Variants in PCDHGB2 observed in about 807,000 individuals in gnomAD.
PCDHGB2 encodes protocadherin gamma subfamily B, 2.
Under a neutral mutation model 59.3 loss-of-function variants are expected in PCDHGB2, and 55 were observed. That is an observed-to-expected ratio of 0.93 (90% CI 0.75 to 1.16). The LOEUF (loss-of-function observed/expected upper bound fraction) is 1.16. Among genes scored for constraint, PCDHGB2 ranks in the 50% most tolerant of loss-of-function variants. The pLI, the probability that PCDHGB2 is intolerant of heterozygous loss-of-function variation, is 0.00. For missense variants in PCDHGB2, 1,228 were observed against 1,198.5 expected (o/e 1.02, Z -0.36); for synonymous variants, 516 against 512.0 (o/e 1.01, Z -0.11).
At chr5:141,466,376 C>A (rs1046432765) in intron 1 of PCDHGB2, among the ~76,000 whole-genome samples, 1 of 151,904 alleles carries the variant, frequency 6.6e-6, no homozygotes, top group Non-Finnish European at 1.5e-5. Flanking sequence ...GTTTTGGCAC[C>A]CATCTAATGG....
intron 1 of PCDHGB2, chr5:141,379,315 A>T (rs1364362567): frequency 1.3e-5 from 2 of 152,242 alleles, no homozygotes; most frequent in Non-Finnish European, 2.9e-5. Context: ...TAAACAAGAG[A>T]TCTAATCATA....
rs73280340 is a variant in PCDHGB2, at chr5:141,473,067, G to A, written c.2422-21740G>A. On this transcript the variant is annotated intron_variant, in intron 1 of 3. Transcript: ENST00000522605. ...GAAAGAAGTGATACAACAAGTTACA[G>A]CATCTTTGTTTATTATCCACTGTGA... Among the ~76,000 whole-genome samples the A allele has an allele frequency of 5.6e-3, 854 of 152,054 alleles. 5 individuals are homozygous for A. The highest frequency in any genetic ancestry group is 0.019 in the African/African-American group (798 of 41,456).
intron 1 of PCDHGB2, among the ~76,000 whole-genome samples, chr5:141,451,410 G>T (rs1201545799): frequency 6.6e-6 from 1 of 152,190 alleles, no homozygotes; most frequent in East Asian, 1.9e-4. Context: ...TAAGTTCCTT[G>T]TGGATTGTTA....
intron 1 of PCDHGB2, chr5:141,478,520 G>C (rs1474701976): frequency 1.2e-6 from 2 of 1,610,510 alleles, no homozygotes; most frequent in East Asian, 4.5e-5. Context: ...GCAGGTGTTG[G>C]GTGCAGAGAG....
intron 1 of PCDHGB2, chr5:141,422,606 C>A: frequency 6.2e-7 from 1 of 1,613,904 alleles, no homozygotes; most frequent in Non-Finnish European, 8.5e-7. Context: ...TCTTACTCTG[C>A]CTACATTCCC....
In PCDHGB2 at chr5:141,476,789, T is replaced by A. The variant is rs762462741; in HGVS notation, c.2422-18018T>A. On this transcript the variant is annotated intron_variant, in intron 1 of 3. Coordinates refer to ENST00000522605, the MANE Select transcript of PCDHGB2 (RefSeq NM_018923.3). The surrounding 1 kb of genome is among the most constrained non-coding windows in gnomAD (Gnocchi z 7.6). ...GTTGGACGGAGGGACCCCAGCTCTCTCCGCCAGCCTGCCTATTCACATCAA... is the reference window on the plus strand; with the variant it reads ...GTTGGACGGAGGGACCCCAGCTCTCACCGCCAGCCTGCCTATTCACATCAA... 1.3e-5 allele frequency: 21 copies of A among 1,613,374 alleles called. No individual in the cohort carries two copies. Among genetic ancestry groups the A allele is most frequent in the Non-Finnish European group, 1.7e-5 (20 of 1,180,016 alleles).
rs558609501 is a variant in PCDHGB2, at chr5:141,487,648, G to C, written c.2422-7159G>C. On this transcript the variant is annotated intron_variant, in intron 1 of 3. Coordinates refer to ENST00000522605, the MANE Select transcript of PCDHGB2 (RefSeq NM_018923.3). This position sits in a 1 kb window ranked among gnomAD's most constrained non-coding sequence, Gnocchi z 5.0. ...CTTTGCAGGCTCAACAAATGCTTGA[G>C]GGTTATTCTGATCCAGGCATATGGC... is the stretch of plus-strand genomic sequence containing the variant. 34 of 1,613,904 alleles carry C rather than the reference G, an allele frequency of 2.1e-5. 1 individual carries two copies. The South Asian group carries it at 3.6e-4, about 17-fold the overall frequency.
chr5:141,400,067 A>G lies in PCDHGB2; in HGVS notation c.2421+37511A>G, dbSNP rs761746196. On this transcript the variant is annotated intron_variant, in intron 1 of 3. Coordinates refer to ENST00000522605, the MANE Select transcript of PCDHGB2 (RefSeq NM_018923.3). ...CTGGTTGCTGTGCGTGATGGTGGAC[A>G]GCCGCCACTCTCCGCCACCGCCACG... is the stretch of plus-strand genomic sequence containing the variant. 1.3e-5 allele frequency: 21 copies of G among 1,613,654 alleles called. No individual in the cohort carries two copies. The highest frequency in any genetic ancestry group is 1.7e-4 in the Middle Eastern group (1 of 5,998).
rs377414044 is a variant in PCDHGB2, at chr5:141,362,475, C to T, written c.2340C>T (p.Leu780=). 7.4e-6 allele frequency: 12 copies of T among 1,613,908 alleles called. No individual in the cohort carries two copies. The highest frequency in any genetic ancestry group is 1.3e-5 in the African/African-American group (1 of 74,934). ...CGGAATTGGTTCCCGCGCAAGATCT[C>T]GTCTGTGACAATGCCTCTTGGGAAC... ...ITPELVPAQD[L]VCDNASWEQN... is the part of the protein sequence containing the mutation. The change falls in exon 1 of 4, where the codon CTC becomes CTT. Residue 780 remains leucine, a synonymous_variant. Coordinates refer to ENST00000522605, the MANE Select transcript of PCDHGB2 (RefSeq NM_018923.3).
intron 1 of PCDHGB2, chr5:141,395,876 T>C (rs1175297322): frequency 6.6e-6 from 1 of 152,090 alleles, no homozygotes; most frequent in Non-Finnish European, 1.5e-5. Context: ...AGTATGTGAG[T>C]CAGTGGTCAC....
chr5:141,491,932 G>A lies in PCDHGB2; in HGVS notation c.2422-2875G>A. Reference sequence around the variant, plus strand: ...GGCGACTGTGGGCGAGGGGAGGTGGGACCGACCCCCACCCCTACACTCAAA... The same window carrying A: ...GGCGACTGTGGGCGAGGGGAGGTGGAACCGACCCCCACCCCTACACTCAAA... On this transcript the variant is annotated intron_variant, in intron 1 of 3. Transcript: ENST00000522605. This position sits in a 1 kb window ranked among gnomAD's most constrained non-coding sequence, Gnocchi z 6.9. 1 of 1,259,014 alleles carries A rather than the reference G, an allele frequency of 7.9e-7. No homozygotes were observed. The highest frequency in any genetic ancestry group is 1.1e-6 in the Non-Finnish European group (1 of 926,048). The allele number at this position is 1,259,014 out of a possible 1,614,324, so 78.0% of individuals were successfully genotyped here. A position where few individuals can be genotyped will look rare whatever the true frequency, so the allele number is the denominator to read the frequency against.
rs1334168978 is a variant in PCDHGB2 at position 141,360,539 on chromosome 5, A to T, written c.404A>T (p.Gln135Leu). ...AATGATAATACCCCGCTATTCAAAC[A>T]GACTAAGATTAATTTAAAAATTGGC... ...DINDNTPLFKQTKINLKIGES... is the reference protein window; with the variant it reads ...DINDNTPLFKLTKINLKIGES... The change falls in exon 1 of 4, where the codon CAG (glutamine) becomes CTG (leucine). Residue 135 changes from glutamine to leucine, a missense_variant. Physicochemically the swap from Gln to Leu is moderately radical, Grantham distance 113. Coordinates refer to ENST00000522605, the MANE Select transcript of PCDHGB2 (RefSeq NM_018923.3). The T allele has an allele frequency of 6.2e-7, 1 of 1,614,000 alleles. No individual in the cohort carries two copies. The highest frequency in any genetic ancestry group is 8.5e-7 in the Non-Finnish European group (1 of 1,179,892).
chr5:141,430,015 T>G (rs2097256653), intron 1 of PCDHGB2, among the ~76,000 whole-genome samples: 1 of 152,236 alleles, frequency 6.6e-6, no homozygotes, highest in South Asian at 2.1e-4. Context: ...TTCACTTGGG[T>G]TCTTGTTAAG....
intron 1 of PCDHGB2, chr5:141,373,991 A>G (rs1241221882): frequency 8.2e-7 from 1 of 1,223,018 alleles, no homozygotes; most frequent in Non-Finnish European, 1.1e-6. Context: ...CTGCTTGTTG[A>G]AGGACCTTCA....
intron 1 of PCDHGB2, among the ~76,000 whole-genome samples, chr5:141,449,422 C>A (rs1041930577): frequency 4.0e-5 from 6 of 151,724 alleles, no homozygotes; most frequent in Non-Finnish European, 7.4e-5. Flanking sequence ...GCCTGGCCAA[C>A]ATGATAAAAC....
chr5:141,372,498 C>T, intron 1 of PCDHGB2: 1 of 1,614,054 alleles, frequency 6.2e-7, no homozygotes, highest in Non-Finnish European at 8.5e-7. Flanking sequence ...GATCTCAGTG[C>T]TCTTCCTCCT....
chr5:141,427,865 G>A, intron 1 of PCDHGB2: 1 of 1,558,148 alleles, frequency 6.4e-7, no homozygotes. Flanking sequence ...GCGCCTTCGA[G>A]CTCACGATGC....
At position 141,409,805 on chromosome 5, in the gene PCDHGB2, C is replaced by A. The variant is rs751397816; in HGVS notation, c.2421+47249C>A. On this transcript the variant is annotated intron_variant, in intron 1 of 3. Transcript: ENST00000522605. ...CGCCTTCGCGCTCACGCTGCAGGCC[C>A]GCGACCACGGCTCGCCCACGCTCAG... is the stretch of plus-strand genomic sequence containing the variant. 14 of 1,611,512 alleles carry A rather than the reference C, an allele frequency of 8.7e-6. No homozygotes were observed. Among genetic ancestry groups the A allele is most frequent in the Middle Eastern group, 1.6e-4 (1 of 6,072 alleles).
At position 141,450,045 on chromosome 5, in the gene PCDHGB2, C is replaced by T. The variant is rs369046547; in HGVS notation, c.2422-44762C>T. On this transcript the variant is annotated intron_variant, in intron 1 of 3. Transcript: ENST00000522605. Reference sequence around the variant, plus strand: ...TTTTTGAGACAGGGTCTCACTCTTTCGCCCAGGCTGGAATGCAGTGGTATG... The same window carrying T: ...TTTTTGAGACAGGGTCTCACTCTTTTGCCCAGGCTGGAATGCAGTGGTATG... 4.6e-5 allele frequency among the ~76,000 whole-genome samples: 6 copies of T among 129,508 alleles called. No individual in the cohort carries two copies. In the South Asian group the frequency reaches 9.6e-4, roughly 21 times the overall value. 85.0% of individuals were successfully genotyped at this position (129,508 alleles called of 152,430 possible).
Sources: allele counts gnomAD v4.1 joint callset (sites outside exome capture counted in the v4.1 genomes callset), GRCh38; gene constraint gnomAD v4.1.1; non-coding constraint Gnocchi (gnomAD v3.1); transcripts MANE v1.5; gene names NCBI Gene and HGNC (gene_info 2026-07-23, HGNC 2026-07-21).